Variants in TPP2 observed in about 807,000 individuals in gnomAD.
TPP2 encodes tripeptidyl-peptidase 2.
In TPP2, 34 loss-of-function variants were observed where a neutral mutation model predicts 155.9. The observed-to-expected ratio is 0.22, with a 90% CI of 0.17 to 0.29. TPP2 has a LOEUF of 0.29. Among genes scored for constraint, TPP2 ranks in the 10% least tolerant of loss-of-function variants. The probability of loss-of-function intolerance (pLI) is 1.00; values close to 1 mark genes in which losing one functional copy is unlikely to be tolerated. For synonymous variants in TPP2, 510 were observed against 529.4 expected, an observed-to-expected ratio of 0.96 and a Z score of 0.50; for missense variants, 1,028 against 1,522.3, an observed-to-expected ratio of 0.68 and a Z score of 5.40.
At chr13:102,649,342 C>T in intron 22 of TPP2, 66 bp from the exon 23 acceptor site, 1 of 1,525,124 alleles carries the variant, frequency 6.6e-7, no homozygotes, top group Non-Finnish European at 8.9e-7. Flanking sequence ...CATGTTTTTC[C>T]CCTTACTTGT....
intron 27 of TPP2, among the ~76,000 whole-genome samples, chr13:102,671,197 C>A (rs1174866426): frequency 6.6e-6 from 1 of 152,146 alleles, no homozygotes; most frequent in Non-Finnish European, 1.5e-5. Context: ...GACTATAGGT[C>A]AAACTACAGG....
At chr13:102,642,607 T>TG (rs1882840878) in intron 16 of TPP2, among the ~76,000 whole-genome samples, 1 of 152,166 alleles carries the variant, frequency 6.6e-6, no homozygotes, top group African/African-American at 2.4e-5. Flanking sequence ...GCCACGGCAT[T>TG]GCGCCTTGCT....
intron 15 of TPP2, among the ~76,000 whole-genome samples, chr13:102,639,099 G>A (rs890548774): frequency 1.3e-5 from 2 of 152,082 alleles, no homozygotes; most frequent in Admixed American, 6.5e-5. Context: ...TTTCTGCTTC[G>A]TGGCACATTT....
At chr13:102,629,694 C>A in intron 9 of TPP2, 85 bp downstream of exon 9, 1 of 1,467,886 alleles carries the variant, frequency 6.8e-7, no homozygotes, top group South Asian at 1.5e-5. Flanking sequence ...TGTATCTCTG[C>A]TACACGTAAG....
At chr13:102,646,556 ATTAAATAC>A (rs1883115030) in intron 20 of TPP2, among the ~76,000 whole-genome samples, 166 bp downstream of exon 20, 1 of 152,238 alleles carries the variant, frequency 6.6e-6, no homozygotes, top group African/African-American at 2.4e-5. Flanking sequence ...ATAATTTGTA[ATTAAATAC>A]CATTCAGTTG....
At chr13:102,665,341 C>T (rs1015092644) in intron 27 of TPP2, among the ~76,000 whole-genome samples, 5 of 152,084 alleles carry the variant, frequency 3.3e-5, no homozygotes, top group Admixed American at 6.6e-5. Context: ...AAACCTAATA[C>T]GTGGTTTGTA....
chr13:102,612,586 G>T (rs184678142), intron 2 of TPP2, among the ~76,000 whole-genome samples: 1 of 152,216 alleles, frequency 6.6e-6, no homozygotes, highest in African/African-American at 2.4e-5. Context: ...CATAAAGTTA[G>T]CTTTACTCTA....
chr13:102,625,516 C>T (rs950434375), intron 6 of TPP2, among the ~76,000 whole-genome samples: 4 of 152,124 alleles, frequency 2.6e-5, no homozygotes, highest in African/African-American at 9.7e-5. Context: ...CCTTTTCACT[C>T]CCACCATGGT....
At position 102,636,359 on chromosome 13, in the gene TPP2, G is replaced by A. The variant is rs575735677; in HGVS notation, c.1645G>A (p.Val549Ile). Residue 549 changes from valine (V) to isoleucine (I), a missense_variant, in exon 13 of 30, where the codon GTT becomes ATT. Around this residue, in one of 7 missense-constraint regions of TPP2, gnomAD observed 325 missense variants for 463.7 expected, o/e 0.70. Coordinates refer to ENST00000376052, the MANE Select transcript of TPP2 (RefSeq NM_001330588.2). ...VQVAAPSDHG[V>I]GIEPVFPENT... ...GGTGGCTGCACCTTCAGATCATGGC[G>A]TTGGCATTGAACCTGTATTTCCGGA... The A allele has an allele frequency of 1.1e-5, 17 of 1,613,312 alleles. No individual in the cohort carries two copies. The highest frequency in any genetic ancestry group is 8.9e-5 in the East Asian group (4 of 44,856).
chr13:102,601,278 A>T (rs1230204360), intron 1 of TPP2, among the ~76,000 whole-genome samples: 1 of 152,238 alleles, frequency 6.6e-6, no homozygotes, highest in Non-Finnish European at 1.5e-5. Flanking sequence ...TTTGCTTAAA[A>T]GAATATTTTC....
intron 27 of TPP2, among the ~76,000 whole-genome samples, chr13:102,673,746 C>T (rs954647868): frequency 7.9e-5 from 12 of 152,196 alleles, no homozygotes; most frequent in African/African-American, 2.9e-4. Flanking sequence ...TCCTTTGCAA[C>T]ATGGCAGTAA....
intron 9 of TPP2, 107 bp downstream of exon 9, chr13:102,629,716 C>G (rs1346084589): frequency 1.5e-5 from 21 of 1,372,394 alleles, no homozygotes; most frequent in Non-Finnish European, 1.8e-5. Context: ...CACTGTACAC[C>G]TTAAGTGTGT....
intron 27 of TPP2, chr13:102,667,690 A>C: frequency 1.1e-6 from 1 of 926,082 alleles, no homozygotes; most frequent in Non-Finnish European, 1.3e-6. Flanking sequence ...GGATGCTAAA[A>C]TAGAAAGGGA....
At chr13:102,655,859 T>A (rs574040168) in intron 24 of TPP2, among the ~76,000 whole-genome samples, 1 of 152,040 alleles carries the variant, frequency 6.6e-6, no homozygotes, top group African/African-American at 2.4e-5. Context: ...TTCTTGGTGG[T>A]TTTTCCTCAA....
intron 1 of TPP2, among the ~76,000 whole-genome samples, chr13:102,602,035 G>C (rs1879468132): frequency 6.6e-6 from 1 of 152,098 alleles, no homozygotes; most frequent in Admixed American, 6.5e-5. Flanking sequence ...TATCTGACTT[G>C]TTAGTGCTCT....
intron 27 of TPP2, among the ~76,000 whole-genome samples, chr13:102,665,132 T>A (rs1219464625): frequency 5.9e-5 from 9 of 152,192 alleles, no homozygotes; most frequent in Non-Finnish European, 2.9e-5. Context: ...AGAAAAGTAG[T>A]TTGCCTTCTC....
intron 24 of TPP2, among the ~76,000 whole-genome samples, chr13:102,652,426 A>ATG (rs1342424626): frequency 6.1e-5 from 1 of 16,264 alleles, no homozygotes; most frequent in Non-Finnish European, 1.1e-4. Flanking sequence ...ATATATATAT[A>ATG]TATATATATA....
rs775827734 is a variant in TPP2 at position 102,645,052 on chromosome 13, T to C, written c.2393+43T>C. On this transcript the variant is annotated intron_variant, in intron 19 of 29. Transcript: ENST00000376052. ...AGGAACTACAGATATTGAATATAGA[T>C]TGGGGGGATCTCTTACACTCTTAAA... 1.7e-5 allele frequency: 27 copies of C among 1,574,126 alleles called. No homozygotes were observed. The African/African-American group carries it at 2.9e-4, about 17-fold the overall frequency.
Position 102,620,243 on chromosome 13 carries a change from T to A in TPP2, c.620+1397T>A, listed in dbSNP as rs184432159. Among the ~76,000 whole-genome samples the A allele has an allele frequency of 1.9e-4, 29 of 152,330 alleles. No individual in the cohort carries two copies. In the East Asian group the frequency reaches 5.2e-3, roughly 27 times the overall value. On this transcript the variant is annotated intron_variant, in intron 5 of 29. Transcript: ENST00000376052. ...AAAGTGACTCACTTGTAGCAGTTTG[T>A]TGACAACTATTCTAAGGGTTTTGTT...
Sources: allele counts gnomAD v4.1 joint callset (sites outside exome capture counted in the v4.1 genomes callset), GRCh38; gene constraint gnomAD v4.1.1; regional missense constraint gnomAD v4.1.1; transcripts MANE v1.5; gene names NCBI Gene and HGNC (gene_info 2026-07-23, HGNC 2026-07-21).